The following CEP112 variants were observed in gnomAD, a reference collection of about 807,000 sequenced individuals.
CEP112 encodes centrosomal protein of 112 kDa.
In CEP112, 127 loss-of-function variants were observed where a neutral mutation model predicts 153.0. That is an observed-to-expected ratio of 0.83 (90% CI 0.72 to 0.96). The LOEUF (loss-of-function observed/expected upper bound fraction) is 0.96, where lower values mean the gene tolerates loss of function less well. Among genes scored for constraint, CEP112 ranks in the 40% least tolerant of loss-of-function variants. The pLI is 0.00. For missense variants in CEP112, 1,089 were observed against 1,101.2 expected, an observed-to-expected ratio of 0.99 and a Z score of 0.16; for synonymous variants, 358 against 374.4, an observed-to-expected ratio of 0.96 and a Z score of 0.51.
At chr17:65,992,035 C>A (rs1174980573) in intron 17 of CEP112, among the ~76,000 whole-genome samples, 2 of 145,932 alleles carry the variant, frequency 1.4e-5, no homozygotes, top group African/African-American at 2.5e-5. Context: ...AAAAAAAAAA[C>A]AAACCTAATC....
At position 66,171,139 on chromosome 17, in the gene CEP112, T is replaced by C. The variant is rs547281916; in HGVS notation, c.470+3905A>G. Among the ~76,000 whole-genome samples the C allele has an allele frequency of 5.3e-5, 8 of 152,278 alleles. No individual in the cohort carries two copies. The South Asian group carries it at 1.7e-3, about 32-fold the overall frequency. ...AGTAAAGGAAAGGTGCCATCTCTAC[T>C]GAATAGAGAGTCCTAACAAAAAGGC... On this transcript the variant is annotated intron_variant, in intron 4 of 26. Coordinates refer to ENST00000535342, the MANE Select transcript of CEP112 (RefSeq NM_001199165.4).
At chr17:65,683,577 A>T (rs1451537312) in intron 24 of CEP112, among the ~76,000 whole-genome samples, 2 of 152,204 alleles carry the variant, frequency 1.3e-5, no homozygotes, top group African/African-American at 2.4e-5. Flanking sequence ...AGCTCTTGAA[A>T]CAACCCCAAA....
At chr17:65,753,381 A>T (rs2052010110) in intron 21 of CEP112, among the ~76,000 whole-genome samples, 1 of 152,186 alleles carries the variant, frequency 6.6e-6, no homozygotes, top group Non-Finnish European at 1.5e-5. Flanking sequence ...GCCTCAGTCC[A>T]TACCTTTGAA....
intron 11 of CEP112, among the ~76,000 whole-genome samples, chr17:66,059,663 G>C (rs1159633658): frequency 6.6e-6 from 1 of 152,172 alleles, no homozygotes; most frequent in Non-Finnish European, 1.5e-5. Flanking sequence ...TGCTGGCAAG[G>C]TTGCAGAGAA....
intron 20 of CEP112, among the ~76,000 whole-genome samples, chr17:65,884,211 G>A (rs1179952130): frequency 1.3e-5 from 2 of 152,226 alleles, no homozygotes; most frequent in Admixed American, 6.5e-5. Flanking sequence ...GGAGCTAGTG[G>A]AGAAAACAGA....
chr17:66,156,898 C>T (rs547964794), intron 4 of CEP112, among the ~76,000 whole-genome samples: 1 of 152,246 alleles, frequency 6.6e-6, no homozygotes, highest in Non-Finnish European at 1.5e-5. Flanking sequence ...AAATTTACGT[C>T]TGATTGGTGT....
intron 20 of CEP112, among the ~76,000 whole-genome samples, chr17:65,896,817 C>T (rs1367920873): frequency 1.3e-5 from 2 of 151,972 alleles, no homozygotes; most frequent in African/African-American, 4.8e-5. Flanking sequence ...ATCTTAAATA[C>T]GGCACTTAGA....
At chr17:66,003,155 A>G (rs941358126) in intron 17 of CEP112, among the ~76,000 whole-genome samples, 2 of 152,216 alleles carry the variant, frequency 1.3e-5, no homozygotes, top group South Asian at 2.1e-4. Context: ...CCAGACATTT[A>G]GCCAAAATGA....
At chr17:65,738,228 A>T (rs1403040840) in intron 23 of CEP112, among the ~76,000 whole-genome samples, 1 of 152,232 alleles carries the variant, frequency 6.6e-6, no homozygotes, top group African/African-American at 2.4e-5. Flanking sequence ...ATAGCATGAG[A>T]ATTAAACTAT....
At chr17:65,654,341 G>A (rs1232856891) in intron 24 of CEP112, among the ~76,000 whole-genome samples, 4 of 152,246 alleles carry the variant, frequency 2.6e-5, no homozygotes, top group South Asian at 2.1e-4. Context: ...TTCATTTCCC[G>A]CCTTTCTTCA....
chr17:65,815,175 CA>C lies in CEP112; in HGVS notation c.2394+36628del, dbSNP rs545404203. The stretch of plus-strand genomic sequence containing the variant: ...CTTGCAGCATTTATGTTGAGGTCTA[CA>C]ATTAATTTCAAGGTAACTTTTGTGT... On this transcript the variant is annotated intron_variant, in intron 21 of 26. Transcript: ENST00000535342. Among the ~76,000 whole-genome samples, 12 of 151,870 alleles carry C rather than the reference CA, an allele frequency of 7.9e-5. No individual in the cohort carries two copies. In the South Asian group the frequency reaches 2.1e-3, roughly 26 times the overall value.
intron 19 of CEP112, among the ~76,000 whole-genome samples, chr17:65,907,438 T>C (rs2060125470): frequency 6.6e-6 from 1 of 152,204 alleles, no homozygotes; most frequent in African/African-American, 2.4e-5. Context: ...AATCTCAAGG[T>C]TGCCAAAGCC....
At chr17:65,957,476 G>A (rs2062041153) in intron 18 of CEP112, among the ~76,000 whole-genome samples, 1 of 152,040 alleles carries the variant, frequency 6.6e-6, no homozygotes, top group Non-Finnish European at 1.5e-5. Context: ...TTATTGACTT[G>A]TATTGATTTA....
chr17:66,113,165 G>T (rs1176266025), intron 6 of CEP112, among the ~76,000 whole-genome samples: 2 of 139,752 alleles, frequency 1.4e-5, no homozygotes, highest in Non-Finnish European at 3.1e-5. Context: ...ATGTCCAGCA[G>T]GCAGCAAAGT....
intron 21 of CEP112, among the ~76,000 whole-genome samples, chr17:65,760,970 G>A (rs1429578349): frequency 1.3e-5 from 2 of 151,990 alleles, no homozygotes; most frequent in Non-Finnish European, 2.9e-5. Flanking sequence ...CTGCCTGTGC[G>A]AGTTTTGGCA....
intron 19 of CEP112, among the ~76,000 whole-genome samples, chr17:65,917,494 GA>G (rs1305215901): frequency 6.6e-6 from 1 of 152,052 alleles, no homozygotes; most frequent in African/African-American, 2.4e-5. Context: ...GAAAGTTTAC[GA>G]AGTCTTTCTA....
intron 16 of CEP112, among the ~76,000 whole-genome samples, chr17:66,014,508 C>A (rs2064685971): frequency 6.6e-6 from 1 of 152,146 alleles, no homozygotes; most frequent in Non-Finnish European, 1.5e-5. Context: ...GGCCATGCCC[C>A]CCTGCAAACA....
At chr17:66,080,637 T>C (rs2067679214) in intron 8 of CEP112, among the ~76,000 whole-genome samples, 2 of 152,180 alleles carry the variant, frequency 1.3e-5, no homozygotes, top group South Asian at 4.1e-4. Flanking sequence ...AGAAATACCA[T>C]TTGACCCAGC....
intron 4 of CEP112, 88 bp downstream of exon 4, chr17:66,174,955 TA>T (rs373236006): frequency 1.3e-4 from 117 of 911,342 alleles, no homozygotes; most frequent in South Asian, 2.7e-4. Flanking sequence ...ACTTCCATTA[TA>T]AAAAAAAGGA....
Sources: allele counts gnomAD v4.1 joint callset (sites outside exome capture counted in the v4.1 genomes callset), GRCh38; gene constraint gnomAD v4.1.1; transcripts MANE v1.5; gene names NCBI Gene and HGNC (gene_info 2026-07-23, HGNC 2026-07-21).